The following ADGRL4 variants were observed in gnomAD, a reference collection of about 807,000 sequenced individuals.
ADGRL4 encodes the protein adhesion G protein-coupled receptor L4.
Under a neutral mutation model 74.8 loss-of-function variants are expected in ADGRL4, and 90 were observed. The ratio of observed to expected loss-of-function variants is 1.20; its 90% CI spans 1.02 to 1.43. The LOEUF (loss-of-function observed/expected upper bound fraction) is 1.43, where lower values mean the gene tolerates loss of function less well. Among genes scored for constraint, ADGRL4 ranks in the 40% most tolerant of loss-of-function variants. The probability of loss-of-function intolerance (pLI) is 0.00; values close to 1 mark genes in which losing one functional copy is unlikely to be tolerated. For synonymous variants in ADGRL4, 311 were observed against 279.2 expected (o/e 1.11, Z -1.14); for missense variants, 881 against 814.3 (o/e 1.08, Z -1.00).
intron 2 of ADGRL4, among the ~76,000 whole-genome samples, chr1:78,983,713 T>C (rs1003313774): frequency 3.3e-5 from 5 of 151,748 alleles, no homozygotes; most frequent in Non-Finnish European, 1.5e-5. Flanking sequence ...AATGTTCAAA[T>C]TTGGGGAATA....
intron 2 of ADGRL4, among the ~76,000 whole-genome samples, chr1:78,992,648 T>C (rs1278285892): frequency 6.6e-6 from 1 of 152,082 alleles, no homozygotes; most frequent in African/African-American, 2.4e-5. Context: ...TCATCTATGC[T>C]CAATGGCAAT....
chr1:79,006,585 G>T (rs959855152), intron 1 of ADGRL4, 48 bp downstream of exon 1: 22 of 1,532,840 alleles, frequency 1.4e-5, no homozygotes, highest in Non-Finnish European at 1.8e-5. Flanking sequence ...CCCTACAAGG[G>T]ATTGGTCCCT....
intron 7 of ADGRL4, 68 bp downstream of exon 7, chr1:78,936,227 T>G: frequency 1.4e-6 from 2 of 1,480,348 alleles, no homozygotes; most frequent in Non-Finnish European, 1.8e-6. Flanking sequence ...TATGACATAA[T>G]CAAATGCATG....
At position 78,939,057 on chromosome 1, in the gene ADGRL4, T is replaced by C. The variant is rs115008610; in HGVS notation, c.396+131A>G. 3,249 of 1,190,872 alleles carry C rather than the reference T, an allele frequency of 2.7e-3. 81 individuals are homozygous for C. In the African/African-American group the frequency reaches 0.045, roughly 16 times the overall value. 73.8% of individuals were successfully genotyped at this position (1,190,872 alleles called of 1,614,324 possible). On this transcript the variant is annotated intron_variant, in intron 4 of 14. Transcript: ENST00000370742. ...GATGCAAACATGATGCTTAGATCTCTATATGTAAACGTTTTCGACTCTCCC... is the reference window on the plus strand; with the variant it reads ...GATGCAAACATGATGCTTAGATCTCCATATGTAAACGTTTTCGACTCTCCC...
intron 2 of ADGRL4, among the ~76,000 whole-genome samples, chr1:78,976,935 T>C (rs1650296214): frequency 6.6e-6 from 1 of 151,756 alleles, no homozygotes; most frequent in Non-Finnish European, 1.5e-5. Context: ...TATGAAGCCA[T>C]CATTAACGCT....
At chr1:78,914,207 C>T in intron 12 of ADGRL4, among the ~76,000 whole-genome samples, 2 of 151,862 alleles carry the variant, frequency 1.3e-5, no homozygotes, top group Non-Finnish European at 2.9e-5. Flanking sequence ...AAACAAGGTC[C>T]TCCACCTCAA....
chr1:78,909,230 A>T (rs1190397647), intron 12 of ADGRL4, among the ~76,000 whole-genome samples: 1 of 152,002 alleles, frequency 6.6e-6, no homozygotes, highest in Non-Finnish European at 1.5e-5. Context: ...TAGTGTTTCT[A>T]ATATAACTTT....
chr1:78,991,494 T>C (rs1297086114), intron 2 of ADGRL4, among the ~76,000 whole-genome samples: 2 of 152,064 alleles, frequency 1.3e-5, no homozygotes, highest in Non-Finnish European at 2.9e-5. Context: ...GACAATTTAG[T>C]ACTTTCACTG....
intron 2 of ADGRL4, among the ~76,000 whole-genome samples, chr1:79,003,005 A>G (rs749680130): frequency 1.3e-4 from 20 of 152,060 alleles, no homozygotes; most frequent in South Asian, 2.1e-4. Flanking sequence ...AAATTTTATG[A>G]TAATGGCGAT....
At chr1:78,950,827 C>A (rs1157486254) in intron 2 of ADGRL4, among the ~76,000 whole-genome samples, 2 of 152,180 alleles carry the variant, frequency 1.3e-5, no homozygotes, top group South Asian at 2.1e-4. Flanking sequence ...TTGGAGCGAT[C>A]TGGTGGATAA....
chr1:78,938,116 G>C lies in ADGRL4; in HGVS notation c.560C>G (p.Ser187Cys). Residue 187 changes from serine to cysteine, a missense_variant, in exon 5 of 15, where the codon TCT becomes TGT. Ser to Cys is a moderately radical substitution (Grantham distance 112). Coordinates refer to ENST00000370742, the MANE Select transcript of ADGRL4 (RefSeq NM_022159.4). ...CATACTTACAGTAAGAGTTGAGTTA[G>C]AAAGGGTGTCCTTGGCTGAGATAGT... ...NNTISAKDTLSNSTLTEFVKT... is the reference protein window; with the variant it reads ...NNTISAKDTLCNSTLTEFVKT... 1 of 1,612,750 alleles carries C rather than the reference G, an allele frequency of 6.2e-7. No homozygotes were observed. The highest frequency in any genetic ancestry group is 8.5e-7 in the Non-Finnish European group (1 of 1,179,580).
intron 2 of ADGRL4, among the ~76,000 whole-genome samples, chr1:79,003,265 A>G (rs966719556): frequency 1.3e-5 from 2 of 152,102 alleles, no homozygotes; most frequent in Non-Finnish European, 2.9e-5. Context: ...CTGACTAAAA[A>G]AAGGTTAAAA....
intron 2 of ADGRL4, among the ~76,000 whole-genome samples, chr1:79,001,345 A>T (rs927425653): frequency 6.6e-6 from 1 of 152,138 alleles, no homozygotes; most frequent in Non-Finnish European, 1.5e-5. Context: ...GGACAAGAAA[A>T]GTTTCAGATG....
At chr1:78,985,281 A>C (rs1313995598) in intron 2 of ADGRL4, among the ~76,000 whole-genome samples, 1 of 151,734 alleles carries the variant, frequency 6.6e-6, no homozygotes, top group Non-Finnish European at 1.5e-5. Context: ...CCATGCATAG[A>C]AAGATACTCT....
chr1:78,939,227 A>T lies in ADGRL4; in HGVS notation c.357T>A (p.Asn119Lys). ...ENVNANCHLD[N>K]VCIAANINKT... is the part of the protein sequence containing the mutation. ...TATTAATATTTGCAGCTATACAGAC[A>T]TTATCTAAATGGCAGTTTGCATTCA... Residue 119 changes from asparagine to lysine, a missense_variant, in exon 4 of 15, where the codon AAT (asparagine) becomes AAA (lysine). Transcript: ENST00000370742. 6.4e-7 allele frequency: 1 copy of T among 1,568,326 alleles called. No individual in the cohort carries two copies. The highest frequency in any genetic ancestry group is 8.6e-7 in the Non-Finnish European group (1 of 1,159,724).
intron 2 of ADGRL4, among the ~76,000 whole-genome samples, chr1:78,964,870 A>G (rs1471074876): frequency 6.6e-6 from 1 of 152,208 alleles, no homozygotes; most frequent in African/African-American, 2.4e-5. Flanking sequence ...AATGACTGTG[A>G]TAGCATTATT....
At chr1:78,955,721 A>C (rs767283098) in intron 2 of ADGRL4, among the ~76,000 whole-genome samples, 31 of 152,006 alleles carry the variant, frequency 2.0e-4, no homozygotes, top group Non-Finnish European at 3.7e-4. Flanking sequence ...TTCATACTCA[A>C]AATACACTAA....
intron 2 of ADGRL4, among the ~76,000 whole-genome samples, chr1:78,977,299 T>C (rs1180247655): frequency 2.0e-5 from 3 of 151,828 alleles, no homozygotes; most frequent in Non-Finnish European, 2.9e-5. Flanking sequence ...AAAAATATTA[T>C]CTAAAATCAC....
intron 6 of ADGRL4, 71 bp downstream of exon 6, chr1:78,937,735 AC>A: frequency 7.0e-7 from 1 of 1,430,700 alleles, no homozygotes; most frequent in Non-Finnish European, 9.6e-7. Flanking sequence ...ATGCCTCCTA[AC>A]CCCACCCAAA....
Sources: allele counts gnomAD v4.1 joint callset (sites outside exome capture counted in the v4.1 genomes callset), GRCh38; gene constraint gnomAD v4.1.1; transcripts MANE v1.5; gene names NCBI Gene and HGNC (gene_info 2026-07-23, HGNC 2026-07-21).